Variants in PEX14 observed in about 807,000 individuals in gnomAD.
The protein encoded by PEX14 is peroxisomal membrane protein PEX14.
Under a neutral mutation model 49.5 loss-of-function variants are expected in PEX14, and 15 were observed. The observed-to-expected ratio is 0.30, with a 90% CI of 0.20 to 0.47. The LOEUF is 0.47. Ranked by LOEUF, PEX14 falls within the 20% of genes least tolerant of loss-of-function variation. The probability of loss-of-function intolerance (pLI) is 1.00; values close to 1 mark genes in which losing one functional copy is unlikely to be tolerated. For synonymous variants in PEX14, 210 were observed against 212.7 expected (o/e 0.99, Z 0.11); for missense variants, 398 against 494.8 (o/e 0.80, Z 1.86).
At chr1:10,581,305 CTT>C (rs71583884) in intron 3 of PEX14, among the ~76,000 whole-genome samples, 13 of 126,938 alleles carry the variant, frequency 1.0e-4, no homozygotes, top group Non-Finnish European at 8.2e-5. Context: ...CTTTGTTATC[CTT>C]TTTTTTTTTT....
chr1:10,490,296 G>A (rs545320813), intron 1 of PEX14, among the ~76,000 whole-genome samples: 29 of 152,226 alleles, frequency 1.9e-4, no homozygotes, highest in Non-Finnish European at 3.7e-4. Flanking sequence ...CACAGTCACC[G>A]GGCAGATGCA....
At chr1:10,489,544 CCT>C (rs764591697) in intron 1 of PEX14, among the ~76,000 whole-genome samples, 9 of 152,174 alleles carry the variant, frequency 5.9e-5, no homozygotes, top group Non-Finnish European at 1.2e-4. Flanking sequence ...TCATGATTCC[CCT>C]GAGAGTTCTA....
intron 3 of PEX14, among the ~76,000 whole-genome samples, chr1:10,556,318 G>C (rs780924522): frequency 1.7e-4 from 26 of 152,178 alleles, no homozygotes; most frequent in Non-Finnish European, 3.5e-4. Flanking sequence ...GCTGTGATCA[G>C]AATTCCACAG....
intron 4 of PEX14, among the ~76,000 whole-genome samples, chr1:10,604,587 G>A (rs908109243): frequency 6.6e-6 from 1 of 152,092 alleles, no homozygotes; most frequent in Non-Finnish European, 1.5e-5. Context: ...CTCCAGCCTG[G>A]GCTCCAGAGC....
chr1:10,600,101 T>G (rs1339648464), intron 4 of PEX14, among the ~76,000 whole-genome samples: 1 of 152,174 alleles, frequency 6.6e-6, no homozygotes, highest in Non-Finnish European at 1.5e-5. Flanking sequence ...TTATGGAAAA[T>G]AGCTCCATTT....
intron 2 of PEX14, among the ~76,000 whole-genome samples, chr1:10,509,981 G>A (rs1641855179): frequency 6.6e-6 from 1 of 152,182 alleles, no homozygotes; most frequent in Non-Finnish European, 1.5e-5. Context: ...GGGGCCTCAA[G>A]ATAATTGGTA....
intron 2 of PEX14, among the ~76,000 whole-genome samples, chr1:10,517,415 TC>T (rs1318559196): frequency 6.6e-6 from 1 of 152,108 alleles, no homozygotes; most frequent in Non-Finnish European, 1.5e-5. Flanking sequence ...TATGCAGACT[TC>T]CTTTGAAGAG....
intron 2 of PEX14, among the ~76,000 whole-genome samples, chr1:10,534,337 G>T (rs543333209): frequency 6.6e-6 from 1 of 152,140 alleles, no homozygotes; most frequent in African/African-American, 2.4e-5. Flanking sequence ...CAGAGCAGGG[G>T]CCTCGCTTCC....
At chr1:10,574,993 T>A (rs1446799160) in intron 3 of PEX14, among the ~76,000 whole-genome samples, 8 of 151,178 alleles carry the variant, frequency 5.3e-5, no homozygotes, top group Non-Finnish European at 8.8e-5. Context: ...GCACTTGTAG[T>A]CCCAGCTGTT....
In PEX14 at chr1:10,597,523, C is replaced by CA. The variant is rs1640862789; in HGVS notation, c.170-1714dup. On this transcript the variant is annotated intron_variant, in intron 3 of 8. Transcript: ENST00000356607. The surrounding 1 kb of genome is among the most constrained non-coding windows in gnomAD (Gnocchi z 5.7). Reference sequence around the variant, plus strand: ...TTGGAAGGTGAAATTATGGGTAAAGCAGTCCCTTTGCAGCAAGCACCCCCT... The same window carrying CA: ...TTGGAAGGTGAAATTATGGGTAAAGCAAGTCCCTTTGCAGCAAGCACCCCCT... 6.6e-6 allele frequency among the ~76,000 whole-genome samples: 1 copy of CA among 152,190 alleles called. No individual in the cohort carries two copies. Among genetic ancestry groups the CA allele is most frequent in the Non-Finnish European group, 1.5e-5 (1 of 68,032 alleles).
At position 10,627,334 on chromosome 1, in the gene PEX14, T is replaced by G. The variant is rs756446450; in HGVS notation, c.648T>G (p.Ile216Met). 34 of 1,612,698 alleles carry G rather than the reference T, an allele frequency of 2.1e-5. No homozygotes were observed. The East Asian group carries it at 7.6e-4, about 36-fold the overall frequency. ...SQNINELKSE[I>M]NSLKGLLLNR... ...ATATCAACGAACTCAAGTCCGAAAT[T>G]AACTCCTTGAAAGGGCTTCTTTTAA... The change falls in exon 8 of 9, where the codon ATT (isoleucine) becomes ATG (methionine). Residue 216 changes from isoleucine (I) to methionine (M), a missense_variant. Physicochemically the swap from Ile to Met is conservative, Grantham distance 10. This residue lies in a region of PEX14 where 202 missense variants were observed against 298.5 expected (regional missense o/e 0.68). Transcript: ENST00000356607.
rs116559336 is a variant in PEX14 at position 10,532,871 on chromosome 1, T to G, written c.85-3342T>G. ...CAGTTGAATTGCTTCATGAAATTAA[T>G]GAAAAGTGCCCAACAATAGGTGGGT... On this transcript the variant is annotated intron_variant, in intron 2 of 8. Transcript: ENST00000356607. 1.7e-3 allele frequency among the ~76,000 whole-genome samples: 257 copies of G among 152,268 alleles called. 1 individual carries two copies. The highest frequency in any genetic ancestry group is 5.9e-3 in the African/African-American group (244 of 41,552).
rs1640175840 is a variant in PEX14 at position 10,577,556 on chromosome 1, ATATATATTTT to A, written c.170-21680_170-21671del. Among the ~76,000 whole-genome samples the A allele has an allele frequency of 3.4e-4, 2 of 5,892 alleles. 1 individual carries two copies. Among genetic ancestry groups the A allele is most frequent in the African/African-American group, 7.4e-4 (2 of 2,710 alleles). The allele number at this position is 5,892 out of a possible 152,430, so 3.9% of individuals were successfully genotyped here. The stretch of plus-strand genomic sequence containing the variant: ...TATATATATATATATATATATATAT[ATATATATTTT>A]TTTTTTTTTTTTTTTTTTTTTTTTT... On this transcript the variant is annotated intron_variant, in intron 3 of 8. Transcript: ENST00000356607.
At chr1:10,548,538 T>C (rs1316097504) in intron 3 of PEX14, among the ~76,000 whole-genome samples, 2 of 152,226 alleles carry the variant, frequency 1.3e-5, no homozygotes, top group Admixed American at 1.3e-4. Flanking sequence ...TTCAACACTT[T>C]TGAGCTGATG....
Position 10,495,458 on chromosome 1 carries a change from AG to A in PEX14, c.84+138del, listed in dbSNP as rs965214596. The A allele has an allele frequency of 2.2e-4, 160 of 731,514 alleles. No individual in the cohort carries two copies. The highest frequency in any genetic ancestry group is 1.0e-3 in the Middle Eastern group (4 of 4,004). 45.3% of individuals were successfully genotyped at this position (731,514 alleles called of 1,614,324 possible). ...CTGTTACCTAGAGACTGCCTCTGTC[AG>A]TGACCTCTGACTTCTCTTCTCGCGT... On this transcript the variant is annotated intron_variant, in intron 2 of 8. Coordinates refer to ENST00000356607, the MANE Select transcript of PEX14 (RefSeq NM_004565.3). This position sits in a 1 kb window ranked among gnomAD's most constrained non-coding sequence, Gnocchi z 4.2.
At chr1:10,575,683 C>A (rs941513543) in intron 3 of PEX14, among the ~76,000 whole-genome samples, 4 of 152,066 alleles carry the variant, frequency 2.6e-5, no homozygotes, top group African/African-American at 7.2e-5. Context: ...CTTCTAGTTT[C>A]TTGAGATGAG....
chr1:10,478,445 T>G (rs1641231820), intron 1 of PEX14, among the ~76,000 whole-genome samples: 1 of 152,250 alleles, frequency 6.6e-6, no homozygotes, highest in South Asian at 2.1e-4. Context: ...ATTCTAGCTG[T>G]CCTTCATGAC....
intron 3 of PEX14, among the ~76,000 whole-genome samples, chr1:10,551,931 A>G (rs1171434459): frequency 6.6e-6 from 1 of 151,966 alleles, no homozygotes; most frequent in Non-Finnish European, 1.5e-5. Context: ...CGCCTCTACT[A>G]AAAATACAAA....
chr1:10,585,300 C>G (rs1459685863), intron 3 of PEX14, among the ~76,000 whole-genome samples: 1 of 152,030 alleles, frequency 6.6e-6, no homozygotes, highest in Non-Finnish European at 1.5e-5. Flanking sequence ...ACCACCTTGA[C>G]TACAAGGTAA....
Sources: gnomAD v4.1 joint callset for allele counts (sites outside exome capture counted in the v4.1 genomes callset) on GRCh38, gnomAD v4.1.1 for gene constraint, gnomAD v4.1.1 regional missense constraint, Gnocchi (gnomAD v3.1) non-coding constraint, MANE v1.5 for transcripts, NCBI Gene and HGNC (gene_info 2026-07-23, HGNC 2026-07-21) for gene names.